The following SERPINI2 variants were observed in gnomAD, a reference collection of about 807,000 sequenced individuals.
SERPINI2 encodes serpin I2.
In SERPINI2, 48 loss-of-function variants were observed where a neutral mutation model predicts 47.3. The observed-to-expected ratio is 1.02, with a 90% confidence interval of 0.81 to 1.29. SERPINI2 has a LOEUF of 1.29. SERPINI2 is among the 50% of genes most tolerant of loss of function. The pLI is 0.00. For synonymous variants in SERPINI2, 135 were observed against 149.3 expected (o/e 0.90, Z 0.70); for missense variants, 448 against 456.9 (o/e 0.98, Z 0.18).
chr3:167,458,693 G>A (rs779543090), intron 5 of SERPINI2, among the ~76,000 whole-genome samples: 11 of 152,092 alleles, frequency 7.2e-5, no homozygotes, highest in Non-Finnish European at 1.0e-4. Context: ...CCCAATCAAT[G>A]TTTTTGAACA....
chr3:167,452,994 C>G, exon 6 of SERPINI2: 1 of 1,601,762 alleles, frequency 6.2e-7, no homozygotes. Flanking sequence ...TCAAAGAATA[C>G]AAAACGTCTT....
intron 8 of SERPINI2, 140 bp downstream of exon 8, chr3:167,446,252 C>A: frequency 7.6e-6 from 4 of 523,406 alleles, no homozygotes; most frequent in Non-Finnish European, 9.7e-6. Flanking sequence ...TCTTAAAATA[C>A]AATTCCTGGT....
At chr3:167,449,738 C>T (rs1364865451) in intron 6 of SERPINI2, among the ~76,000 whole-genome samples, 1 of 152,186 alleles carries the variant, frequency 6.6e-6, no homozygotes, top group African/African-American at 2.4e-5. Flanking sequence ...GGTGATCCAC[C>T]CGCCTTGGCC....
At chr3:167,450,745 C>T (rs1749617787) in intron 6 of SERPINI2, among the ~76,000 whole-genome samples, 1 of 152,044 alleles carries the variant, frequency 6.6e-6, no homozygotes, top group South Asian at 2.1e-4. Context: ...GAGGGAATGA[C>T]CTAGTGGCCC....
rs114254410 is a variant in SERPINI2 at position 167,465,626 on chromosome 3, G to A, written c.526C>T (p.Arg176Trp). 3,996 of 1,611,786 alleles carry A rather than the reference G, an allele frequency of 2.5e-3. 5 individuals are homozygous for A. Among genetic ancestry groups the A allele is most frequent in the Non-Finnish European group, 2.9e-3 (3,444 of 1,179,584 alleles). The change falls in exon 4 of 9, where the codon CGG becomes TGG. Residue 176 changes from arginine (R) to tryptophan (W), a missense_variant. Physicochemically the swap from Arg to Trp is moderately radical, Grantham distance 101. Coordinates refer to ENST00000264677, the Ensembl canonical transcript of SERPINI2. ...TAAATAGCATTCACCAGGACAAGCC[G>A]AGTCAGAGGGCCAAATTCTTCCCCT...
chr3:167,476,844 G>A (rs1204971749), upstream of SERPINI2, among the ~76,000 whole-genome samples: 3 of 151,950 alleles, frequency 2.0e-5, no homozygotes, highest in Non-Finnish European at 4.4e-5. Flanking sequence ...AGGGATGGAC[G>A]GATCAGTGGG....
intron 6 of SERPINI2, among the ~76,000 whole-genome samples, chr3:167,451,152 T>C (rs1005035556): frequency 2.6e-5 from 4 of 152,128 alleles, no homozygotes; most frequent in African/African-American, 9.7e-5. Flanking sequence ...AACTAGATGA[T>C]TTACATACAT....
At chr3:167,446,507 T>C in intron 7 of SERPINI2, 26 bp from the exon 8 acceptor site, 10 of 1,378,146 alleles carry the variant, frequency 7.3e-6, no homozygotes, top group Admixed American at 1.9e-5. Flanking sequence ...AACAGTTATT[T>C]AGATACTTGC....
chr3:167,471,626 T>TTAAA lies in SERPINI2; in HGVS notation c.208_209insTTTA (p.Gln70LeufsTer2). The TTAAA allele has an allele frequency of 6.2e-7, 1 of 1,613,640 alleles. No homozygotes were observed. Among genetic ancestry groups the TTAAA allele is most frequent in the East Asian group, 2.2e-5 (1 of 44,836 alleles). ...CTGTTGTTTTAAAGTTTGTCTTATC[T>TTAAA]GCTGCTGTGCTTTTCCTTTGGCTCC... On this transcript the variant is annotated stop_gained and frameshift_variant, in exon 2 of 9. Transcript: ENST00000264677. LOFTEE classifies it high-confidence loss of function.
intron 2 of SERPINI2, among the ~76,000 whole-genome samples, chr3:167,468,904 C>T (rs1577178457): frequency 6.6e-6 from 1 of 152,030 alleles, no homozygotes; most frequent in East Asian, 1.9e-4. Flanking sequence ...ATCTGAAATA[C>T]ATGAACATCT....
intron 7 of SERPINI2, among the ~76,000 whole-genome samples, chr3:167,447,230 A>G (rs568045358): frequency 2.0e-5 from 3 of 152,302 alleles, no homozygotes; most frequent in Non-Finnish European, 4.4e-5. Flanking sequence ...ACTATGTATC[A>G]TTAGAATTAT....
chr3:167,465,087 A>C, intron 5 of SERPINI2, 119 bp downstream of exon 5: 1 of 909,608 alleles, frequency 1.1e-6, no homozygotes, highest in Non-Finnish European at 1.7e-6. Context: ...TTCCAAATAC[A>C]TTTGTATTTT....
At chr3:167,455,708 G>A (rs1749768919) in intron 5 of SERPINI2, among the ~76,000 whole-genome samples, 1 of 152,132 alleles carries the variant, frequency 6.6e-6, no homozygotes, top group African/African-American at 2.4e-5. Flanking sequence ...TGTACAGGGA[G>A]CATGATGCTG....
chr3:167,476,521 T>C (rs1419996768), upstream of SERPINI2, among the ~76,000 whole-genome samples: 1 of 152,034 alleles, frequency 6.6e-6, no homozygotes, highest in Non-Finnish European at 1.5e-5. Flanking sequence ...CATGCACATG[T>C]AGTAGGCTAT....
At chr3:167,467,196 G>T in exon 3 of SERPINI2, 1 of 1,613,420 alleles carries the variant, frequency 6.2e-7, no homozygotes, top group African/African-American at 1.3e-5. Context: ...CCTTCTTGAA[G>T]GTAGAGGGCA....
At chr3:167,470,279 C>T (rs1365357541) in intron 2 of SERPINI2, among the ~76,000 whole-genome samples, 1 of 152,172 alleles carries the variant, frequency 6.6e-6, no homozygotes, top group Non-Finnish European at 1.5e-5. Flanking sequence ...ATTAACTTCA[C>T]TTCACTATTA....
intron 5 of SERPINI2, among the ~76,000 whole-genome samples, chr3:167,459,681 GTTT>G (rs11346005): frequency 1.5e-4 from 16 of 108,034 alleles, no homozygotes; most frequent in African/African-American, 4.2e-4. Context: ...CTTATGGGTG[GTTT>G]TTTTTTTTTT....
intron 2 of SERPINI2, among the ~76,000 whole-genome samples, chr3:167,470,587 G>A (rs1750283818): frequency 9.3e-6 from 1 of 107,166 alleles, no homozygotes. Flanking sequence ...TTTGGAGAAG[G>A]AGTCTGTTCT....
intron 5 of SERPINI2, among the ~76,000 whole-genome samples, chr3:167,461,361 T>C (rs568003476): frequency 1.1e-4 from 17 of 152,310 alleles, no homozygotes; most frequent in South Asian, 6.2e-4. Flanking sequence ...TTAAATATCA[T>C]TGGTGGCTGG....
Sources: allele counts gnomAD v4.1 joint callset (sites outside exome capture counted in the v4.1 genomes callset), GRCh38; gene constraint gnomAD v4.1.1; transcripts MANE v1.5; gene names NCBI Gene and HGNC (gene_info 2026-07-23, HGNC 2026-07-21).